Variants in GRAMD2B observed in about 807,000 individuals in gnomAD.
GRAMD2B encodes the protein GRAM domain-containing protein 2B.
GRAMD2B carries 41 observed loss-of-function variants against 59.2 expected under a neutral mutation model. The observed-to-expected ratio is 0.69, with a 90% CI of 0.54 to 0.90. The LOEUF is 0.90. Ranked by LOEUF, GRAMD2B falls within the 40% of genes least tolerant of loss-of-function variation. The pLI, the probability that GRAMD2B is intolerant of heterozygous loss-of-function variation, is 0.00. For synonymous variants in GRAMD2B, 161 were observed against 182.7 expected, an observed-to-expected ratio of 0.88 and a Z score of 0.96; for missense variants, 424 against 500.5, an observed-to-expected ratio of 0.85 and a Z score of 1.46.
intron 1 of GRAMD2B, among the ~76,000 whole-genome samples, chr5:126,373,499 A>G (rs1264076561): frequency 6.6e-6 from 1 of 152,220 alleles, no homozygotes. Context: ...CAATTCAACA[A>G]AAGTTTATTG....
At position 126,435,260 on chromosome 5, in the gene GRAMD2B, T is replaced by G. The variant is rs147747327; in HGVS notation, c.83+11571T>G. Among the ~76,000 whole-genome samples, 651 of 152,278 alleles carry G rather than the reference T, an allele frequency of 4.3e-3. 5 individuals carry two copies. Among genetic ancestry groups the G allele is most frequent in the African/African-American group, 0.015 (620 of 41,554 alleles). On this transcript the variant is annotated intron_variant, in intron 1 of 13. Transcript: ENST00000285689. ...TAATTAAATGCTGTGAGGATAGAGATGTAGCCAATTTGTGTTTTGTGGGGT... is the reference window on the plus strand; with the variant it reads ...TAATTAAATGCTGTGAGGATAGAGAGGTAGCCAATTTGTGTTTTGTGGGGT...
Position 126,425,397 on chromosome 5 carries a change from G to T in GRAMD2B, c.83+1708G>T, listed in dbSNP as rs1052733495. Among the ~76,000 whole-genome samples, 3 of 152,202 alleles carry T rather than the reference G, an allele frequency of 2.0e-5. No individual in the cohort carries two copies. In the East Asian group the frequency reaches 5.8e-4, roughly 29 times the overall value. On this transcript the variant is annotated intron_variant, in intron 1 of 13. Coordinates refer to ENST00000285689, the MANE Select transcript of GRAMD2B (RefSeq NM_023927.4). ...TGTGACATGGATGAACCTAGAGGAC[G>T]TATGTTAGACAAAATAAGCCAGGAA...
intron 1 of GRAMD2B, among the ~76,000 whole-genome samples, chr5:126,383,830 T>C (rs1366758783): frequency 6.6e-6 from 1 of 152,104 alleles, no homozygotes; most frequent in Admixed American, 6.6e-5. Context: ...CTCAGGGTGA[T>C]TTCTAGAGCC....
chr5:126,423,070 T>C (rs577629076), upstream of GRAMD2B: 1 of 689,274 alleles, frequency 1.5e-6, no homozygotes, highest in African/African-American at 1.9e-5. Flanking sequence ...TTGAATAATT[T>C]AGGATGGGGC....
At chr5:126,451,035 A>G (rs1439832976) in intron 1 of GRAMD2B, among the ~76,000 whole-genome samples, 1 of 152,164 alleles carries the variant, frequency 6.6e-6, no homozygotes, top group Non-Finnish European at 1.5e-5. Flanking sequence ...TGTCCTCCAG[A>G]CCCCAGAATG....
Position 126,473,337 on chromosome 5 carries a change from T to C in GRAMD2B, c.455T>C (p.Phe152Ser). 6.5e-7 allele frequency: 1 copy of C among 1,526,862 alleles called. No individual in the cohort carries two copies. Among genetic ancestry groups the C allele is most frequent in the Non-Finnish European group, 8.9e-7 (1 of 1,127,106 alleles). 94.6% of individuals were successfully genotyped at this position (1,526,862 alleles called of 1,614,324 possible). The change falls in exon 5 of 14, where the codon TTT becomes TCT. Residue 152 changes from phenylalanine to serine, a missense_variant. Physicochemically the swap from Phe to Ser is radical, Grantham distance 155. Coordinates refer to ENST00000285689, the MANE Select transcript of GRAMD2B (RefSeq NM_023927.4). ...TTTGTATCAGAAAACTGGATTTGTT[T>C]TCATTCCAAAGTCTTTGGAAAAGAC... The part of the protein sequence containing the change: ...KLFVSENWIC[F>S]HSKVFGKDTK...
At chr5:126,477,956 A>C (rs1770946834) in intron 6 of GRAMD2B, among the ~76,000 whole-genome samples, 169 bp downstream of exon 6, 1 of 152,118 alleles carries the variant, frequency 6.6e-6, no homozygotes, top group Admixed American at 6.5e-5. Context: ...GCCTGTAGAC[A>C]TTCATGTAGT....
intron 1 of GRAMD2B, among the ~76,000 whole-genome samples, chr5:126,418,022 A>G (rs1759405541): frequency 6.6e-6 from 1 of 152,246 alleles, no homozygotes; most frequent in East Asian, 1.9e-4. Flanking sequence ...AAATTAAGAA[A>G]GAACACAAAT....
At chr5:126,439,328 CTTTTTTTT>C (rs930960414) in intron 1 of GRAMD2B, among the ~76,000 whole-genome samples, 1 of 122,570 alleles carries the variant, frequency 8.2e-6, no homozygotes, top group African/African-American at 3.4e-5. Context: ...TTTGGTTTTG[CTTTTTTTT>C]TTTTTTTTTG....
At chr5:126,460,649 T>C (rs549702545) in intron 1 of GRAMD2B, among the ~76,000 whole-genome samples, 5 of 152,314 alleles carry the variant, frequency 3.3e-5, no homozygotes, top group African/African-American at 1.2e-4. Context: ...ATAGCCCAAC[T>C]CTTTGCTTCC....
chr5:126,493,191 G>C lies in GRAMD2B; in HGVS notation c.*235G>C. 1 of 530,076 alleles carries C rather than the reference G, an allele frequency of 1.9e-6. No individual in the cohort carries two copies. Among genetic ancestry groups the C allele is most frequent in the Non-Finnish European group, 3.4e-6 (1 of 294,252 alleles). The allele number at this position is 530,076 out of a possible 1,614,324, so 32.8% of individuals were successfully genotyped here. On this transcript the variant is annotated 3_prime_UTR_variant, in exon 14 of 14. Transcript: ENST00000285689. ...GAAGATTTTGCTGCTTTTGCCTGAA[G>C]AAAACAGACCCATCTCTGGAGGTCT...
chr5:126,417,923 T>C (rs1455989353), intron 1 of GRAMD2B, among the ~76,000 whole-genome samples: 1 of 152,244 alleles, frequency 6.6e-6, no homozygotes, highest in Non-Finnish European at 1.5e-5. Flanking sequence ...GCCAAGTCAC[T>C]GAACTCCGTG....
intron 13 of GRAMD2B, chr5:126,490,319 G>C (rs377640112): frequency 6.8e-6 from 1 of 147,576 alleles, no homozygotes; most frequent in Non-Finnish European, 1.5e-5. Context: ...GGATCCTGCC[G>C]CCTTCTTTTG....
chr5:126,427,177 A>G (rs1242919968), intron 1 of GRAMD2B, among the ~76,000 whole-genome samples: 4 of 152,226 alleles, frequency 2.6e-5, no homozygotes, highest in Non-Finnish European at 5.9e-5. Flanking sequence ...TTTATTACAT[A>G]GGAATACATG....
At chr5:126,475,931 A>G (rs971703986) in intron 5 of GRAMD2B, among the ~76,000 whole-genome samples, 1 of 152,186 alleles carries the variant, frequency 6.6e-6, no homozygotes, top group Admixed American at 6.5e-5. Flanking sequence ...CAACATAGAG[A>G]AACCCCTTCT....
intron 1 of GRAMD2B, among the ~76,000 whole-genome samples, chr5:126,424,375 CT>C (rs1760219270): frequency 6.6e-6 from 1 of 152,168 alleles, no homozygotes; most frequent in South Asian, 2.1e-4. Flanking sequence ...CTAATTCAGT[CT>C]ATGATTTTAG....
intron 1 of GRAMD2B, among the ~76,000 whole-genome samples, chr5:126,386,908 A>T (rs1460155653): frequency 6.6e-6 from 1 of 152,218 alleles, no homozygotes; most frequent in African/African-American, 2.4e-5. Context: ...GTTGGAAGTC[A>T]TTATCCACAA....
chr5:126,392,642 A>G (rs1471746845), intron 1 of GRAMD2B, among the ~76,000 whole-genome samples: 1 of 152,050 alleles, frequency 6.6e-6, no homozygotes, highest in African/African-American at 2.4e-5. Flanking sequence ...GGTTTTGGGG[A>G]AAACAATTTT....
Position 126,465,448 on chromosome 5 carries a change from G to A in GRAMD2B, c.106G>A (p.Glu36Lys), listed in dbSNP as rs1382371221. Residue 36 changes from glutamate (E) to lysine (K), a missense_variant, in exon 2 of 14, where the codon GAG becomes AAG. Glu to Lys is a moderately conservative substitution (Grantham distance 56, BLOSUM62 1). Coordinates refer to ENST00000285689, the MANE Select transcript of GRAMD2B (RefSeq NM_023927.4). The part of the protein sequence containing the change: ...SAHSEAENGV[E>K]EKKKACRSPT... ...CAGCTCAGAGGCTGAGAATGGTGTG[G>A]AGGAGAAAAAGAAAGCCTGCAGGTC... 6 of 1,614,010 alleles carry A rather than the reference G, an allele frequency of 3.7e-6. No individual in the cohort carries two copies. Among genetic ancestry groups the A allele is most frequent in the South Asian group, 1.1e-5 (1 of 91,078 alleles).
Sources: gnomAD v4.1 joint callset for allele counts (sites outside exome capture counted in the v4.1 genomes callset) on GRCh38, gnomAD v4.1.1 for gene constraint, MANE v1.5 for transcripts, NCBI Gene and HGNC (gene_info 2026-07-23, HGNC 2026-07-21) for gene names.